SPEF1: variants seen among roughly 807,000 people sequenced by gnomAD.
SPEF1 encodes the protein sperm flagella and cilia-associated protein 1.
A neutral mutation model predicts 31.8 loss-of-function variants in SPEF1; 30 were observed. The observed-to-expected ratio is 0.94, with a 90% CI of 0.70 to 1.28. SPEF1 has a LOEUF of 1.28. SPEF1 is among the 50% of genes most tolerant of loss of function. SPEF1 has a pLI of 0.00. For missense variants in SPEF1, 298 were observed against 309.6 expected (o/e 0.96, Z 0.28); for synonymous variants, 126 against 130.1 (o/e 0.97, Z 0.21).
chr20:3,779,004 GGGGGTCCGCTGTAAGCCC>G lies in SPEF1; in HGVS notation c.379-32_379-15del. 2 of 1,614,118 alleles carry G rather than the reference GGGGGTCCGCTGTAAGCCC, an allele frequency of 1.2e-6. No homozygotes were observed. Among genetic ancestry groups the G allele is most frequent in the Non-Finnish European group, 1.7e-6 (2 of 1,179,986 alleles). On this transcript the variant is annotated splice_polypyrimidine_tract_variant and intron_variant, in intron 3 of 6. Transcript: ENST00000379756. ...GGGAGCCAGCTCCTGAAAGAACCCC[GGGGGTCCGCTGTAAGCCC>G]GGGCTCAGTCATCCCCAAGGAGCCC...
chr20:3,781,447 C>T lies in SPEF1; in HGVS notation c.-160G>A. The T allele has an allele frequency of 8.3e-7, 1 of 1,202,044 alleles. No individual in the cohort carries two copies. The highest frequency in any genetic ancestry group is 1.1e-6 in the Non-Finnish European group (1 of 885,768). The allele number at this position is 1,202,044 out of a possible 1,614,324, so 74.5% of individuals were successfully genotyped here. A position where few individuals can be genotyped will look rare whatever the true frequency, so the allele number is the denominator to read the frequency against. On this transcript the variant is annotated 5_prime_UTR_variant, in exon 1 of 7. Coordinates refer to ENST00000379756, the MANE Select transcript of SPEF1 (RefSeq NM_015417.5). ...CAGCTGGGAGCGGCCATATTGTTTT[C>T]TGAAACCATGGAAACCATTCCCGAC...
In SPEF1 at chr20:3,777,534, C is replaced by G. The variant is rs2088751555; in HGVS notation, c.*678G>C. 1 of 152,316 alleles carries G rather than the reference C, an allele frequency of 6.6e-6. No homozygotes were observed. The highest frequency in any genetic ancestry group is 2.4e-5 in the African/African-American group (1 of 41,448). 9.4% of individuals were successfully genotyped at this position (152,316 alleles called of 1,614,324 possible). ...CACAACACTGACTTTAATGGGGCAG[C>G]CCTGAGCCGTAACCTTCAAACCTTC... is the stretch of plus-strand genomic sequence containing the variant. On this transcript the variant is annotated 3_prime_UTR_variant, in exon 7 of 7. Transcript: ENST00000379756. The surrounding 1 kb of genome is among the most constrained non-coding windows in gnomAD (Gnocchi z 4.1).
Position 3,778,272 on chromosome 20 carries a change from C to A in SPEF1, c.651G>T (p.Lys217Asn). Residue 217 changes from lysine (K) to asparagine (N), a missense_variant, in exon 7 of 7, where the codon AAG becomes AAT. Physicochemically the swap from Lys to Asn is moderately conservative, Grantham distance 94. Transcript: ENST00000379756. ...GGGAGAGGTCTTCGATCCGCACATT[C>A]TTGAGCTGGAGCAGGTGCTCCAGGC... ...VRRLEHLLQLKNVRIEDLSRR... is the reference protein window; with the variant it reads ...VRRLEHLLQLNNVRIEDLSRR... 6.2e-7 allele frequency: 1 copy of A among 1,612,286 alleles called. No individual in the cohort carries two copies. Among genetic ancestry groups the A allele is most frequent in the South Asian group, 1.1e-5 (1 of 90,960 alleles).
chr20:3,780,154 A>G (rs954066060), intron 1 of SPEF1, among the ~76,000 whole-genome samples: 1 of 151,860 alleles, frequency 6.6e-6, no homozygotes, highest in Non-Finnish European at 1.5e-5. Context: ...CCTGGCCAAC[A>G]TGGTGAAACC....
At chr20:3,778,359 T>C (rs1165550002) in intron 6 of SPEF1, 40 bp from the exon 7 acceptor site, 5 of 1,612,762 alleles carry the variant, frequency 3.1e-6, no homozygotes, top group Admixed American at 1.7e-5. Context: ...GGCGGTCTGC[T>C]CCCTCCTGCC....
intron 4 of SPEF1, 51 bp downstream of exon 4, chr20:3,778,900 G>C: frequency 6.2e-7 from 1 of 1,613,210 alleles, no homozygotes; most frequent in Non-Finnish European, 8.5e-7. Flanking sequence ...CAGGAAGAAG[G>C]ACAGAAGGAA....
Position 3,778,192 on chromosome 20 carries a change from C to T in SPEF1, c.*20G>A, listed in dbSNP as rs773606380. 9.2e-6 allele frequency: 14 copies of T among 1,518,664 alleles called. No homozygotes were observed. In the South Asian group the frequency reaches 1.6e-4, roughly 17 times the overall value. The allele number at this position is 1,518,664 out of a possible 1,614,324, so 94.1% of individuals were successfully genotyped here. A position where few individuals can be genotyped will look rare whatever the true frequency, so the allele number is the denominator to read the frequency against. Reference sequence around the variant, plus strand: ...GCTCTGGCGGGTACCCGGGCGTCCCCGCGCGGCCCGGGCCGCCGCTCACCG... The same window carrying T: ...GCTCTGGCGGGTACCCGGGCGTCCCTGCGCGGCCCGGGCCGCCGCTCACCG... On this transcript the variant is annotated 3_prime_UTR_variant, in exon 7 of 7. Coordinates refer to ENST00000379756, the MANE Select transcript of SPEF1 (RefSeq NM_015417.5).
rs368989375 is a variant in SPEF1 at position 3,781,270 on chromosome 20, G to A, written c.18C>T (p.Asp6=). Residue 6 remains aspartate (D), a synonymous_variant, in exon 1 of 7, where the codon GAC becomes GAT. Transcript: ENST00000379756. ...GGTACAGCTGGTGCAGCGCCTCCTC[G>A]TCCACGCTGCTCGCCATTGGCGTCC... MASSV[D]EEALHQLYLW... 89 of 1,613,910 alleles carry A rather than the reference G, an allele frequency of 5.5e-5. No individual in the cohort carries two copies. The highest frequency in any genetic ancestry group is 1.4e-4 in the South Asian group (13 of 91,092).
Position 3,779,315 on chromosome 20 carries a change from C to A in SPEF1, c.259G>T (p.Asp87Tyr). The change falls in exon 3 of 7, where the codon GAC (aspartate) becomes TAC (tyrosine). Residue 87 changes from aspartate (D) to tyrosine (Y), a missense_variant. Asp to Tyr is a radical substitution (Grantham distance 160). Transcript: ENST00000379756. ...LKRLNFSVPD[D>Y]VMRKIAQCAP... ...CACTGCGCGATCTTGCGCATCACGT[C>A]ATCCGGTACTGAAAAGTTCAGCCTC... The A allele has an allele frequency of 6.2e-7, 1 of 1,600,896 alleles. No individual in the cohort carries two copies. The highest frequency in any genetic ancestry group is 8.5e-7 in the Non-Finnish European group (1 of 1,172,316).
rs751091333 is a variant in SPEF1, at chr20:3,778,427, G to T, written c.597C>A (p.Thr199=). ...KEQELLASQE[T]VQVLQMKVRR... ...GCCTTCCTAGACCCCTCACCTGCAC[G>T]GTCTCTTGAGAGGCCAACAGCTCCT... The change falls in exon 6 of 7, where the codon ACC becomes ACA. Residue 199 remains threonine, a synonymous_variant. Transcript: ENST00000379756. The T allele has an allele frequency of 3.1e-6, 5 of 1,613,956 alleles. No homozygotes were observed. The South Asian group carries it at 4.4e-5, about 14-fold the overall frequency.
chr20:3,778,133 A>T lies in SPEF1; in HGVS notation c.*79T>A. On this transcript the variant is annotated 3_prime_UTR_variant, in exon 7 of 7. Coordinates refer to ENST00000379756, the MANE Select transcript of SPEF1 (RefSeq NM_015417.5). ...GCGGGCTCCGCCCTCCCAATGGTCT[A>T]TCCATCGGTGGGTGGGTCCGGCGCG... The T allele has an allele frequency of 9.7e-7, 1 of 1,033,090 alleles. No homozygotes were observed. Among genetic ancestry groups the T allele is most frequent in the Non-Finnish European group, 1.4e-6 (1 of 722,612 alleles). 64.0% of individuals were successfully genotyped at this position (1,033,090 alleles called of 1,614,324 possible).
rs1219586565 is a variant in SPEF1, at chr20:3,778,082, C to G, written c.*130G>C. The G allele has an allele frequency of 1.5e-6, 1 of 666,990 alleles. No homozygotes were observed. The highest frequency in any genetic ancestry group is 3.2e-5 in the Admixed American group (1 of 31,708). The allele number at this position is 666,990 out of a possible 1,614,324, so 41.3% of individuals were successfully genotyped here. A position where few individuals can be genotyped will look rare whatever the true frequency, so the allele number is the denominator to read the frequency against. On this transcript the variant is annotated 3_prime_UTR_variant, in exon 7 of 7. Transcript: ENST00000379756. Reference sequence around the variant, plus strand: ...ACCCATCCCAAGGAAGGAGGGCACTCGGGCCCCAGCAGGCTCGTGAGAGCA... The same window carrying G: ...ACCCATCCCAAGGAAGGAGGGCACTGGGGCCCCAGCAGGCTCGTGAGAGCA...
chr20:3,780,198 T>C (rs2088771231), intron 1 of SPEF1, among the ~76,000 whole-genome samples: 1 of 151,036 alleles, frequency 6.6e-6, no homozygotes, highest in Non-Finnish European at 1.5e-5. Context: ...GTTAGCCAGG[T>C]GTGGTGGTGC....
chr20:3,779,073 C>T, intron 3 of SPEF1, 83 bp from the exon 4 acceptor site: 1 of 1,604,276 alleles, frequency 6.2e-7, no homozygotes, highest in Non-Finnish European at 8.5e-7. Context: ...GGCCCCCAGG[C>T]CAGGCTCTAT....
rs1478270816 is a variant in SPEF1, at chr20:3,778,218, C to A, written c.705G>T (p.Gln235His). ...SRRLQQAERK[Q>H]R The stretch of plus-strand genomic sequence containing the variant: ...GCGCGGCCCGGGCCGCCGCTCACCG[C>A]TGCTTACGCTCCGCCTGCTGGAGCC... Residue 235 changes from glutamine (Q) to histidine (H), a missense_variant, in exon 7 of 7, where the codon CAG becomes CAT. Gln to His is a conservative substitution (Grantham distance 24, BLOSUM62 0). Transcript: ENST00000379756. 6.3e-7 allele frequency: 1 copy of A among 1,586,496 alleles called. No individual in the cohort carries two copies. The highest frequency in any genetic ancestry group is 1.1e-5 in the South Asian group (1 of 88,516).
chr20:3,780,974 A>T (rs1453646684), intron 1 of SPEF1, among the ~76,000 whole-genome samples: 3 of 152,214 alleles, frequency 2.0e-5, no homozygotes, highest in Non-Finnish European at 4.4e-5. Context: ...TGCACACAGG[A>T]TAGAACATGT....
In SPEF1 at chr20:3,778,080, C is replaced by A. The variant is rs563053585; in HGVS notation, c.*132G>T. The A allele has an allele frequency of 1.7e-4, 116 of 664,334 alleles. No homozygotes were observed. In the African/African-American group the frequency reaches 2.0e-3, roughly 12 times the overall value. 41.2% of individuals were successfully genotyped at this position (664,334 alleles called of 1,614,324 possible). A position where few individuals can be genotyped will look rare whatever the true frequency, so the allele number is the denominator to read the frequency against. ...TCACCCATCCCAAGGAAGGAGGGCA[C>A]TCGGGCCCCAGCAGGCTCGTGAGAG... On this transcript the variant is annotated 3_prime_UTR_variant, in exon 7 of 7. Transcript: ENST00000379756.
At position 3,779,308 on chromosome 20, in the gene SPEF1, AT is replaced by A. The variant is rs1171575305; in HGVS notation, c.265del (p.Met89CysfsTer19). 3.7e-6 allele frequency: 6 copies of A among 1,601,156 alleles called. No homozygotes were observed. Among genetic ancestry groups the A allele is most frequent in the Non-Finnish European group, 4.3e-6 (5 of 1,172,724 alleles). ...RLNFSVPDDV[M>X]RKIAQCAPGV... ...TGGGGCGCACTGCGCGATCTTGCGC[AT>A]CACGTCATCCGGTACTGAAAAGTTC... On this transcript the variant is annotated frameshift_variant, in exon 3 of 7. Coordinates refer to ENST00000379756, the MANE Select transcript of SPEF1 (RefSeq NM_015417.5). LOFTEE classifies it high-confidence loss of function.
Position 3,780,521 on chromosome 20 carries a change from CACATAGAT to C in SPEF1, c.109+650_109+657del, listed in dbSNP as rs2088773722. 5.3e-5 allele frequency among the ~76,000 whole-genome samples: 8 copies of C among 151,968 alleles called. No individual in the cohort carries two copies. In the South Asian group the frequency reaches 1.7e-3, roughly 32 times the overall value. ...AGACACATGTGATAAGATCCCCCTA[CACATAGAT>C]ACATAGGGCAGAATGTGTAGACACA... On this transcript the variant is annotated intron_variant, in intron 1 of 6. Coordinates refer to ENST00000379756, the MANE Select transcript of SPEF1 (RefSeq NM_015417.5).
Sources: gnomAD v4.1 joint callset for allele counts (sites outside exome capture counted in the v4.1 genomes callset) on GRCh38, gnomAD v4.1.1 for gene constraint, Gnocchi (gnomAD v3.1) non-coding constraint, MANE v1.5 for transcripts, NCBI Gene and HGNC (gene_info 2026-07-23, HGNC 2026-07-21) for gene names.